Variants in GTF2A1L observed in about 807,000 individuals in gnomAD.
The protein encoded by GTF2A1L is general transcription factor IIA subunit 1 like.
GTF2A1L carries 48 observed loss-of-function variants against 49.7 expected under a neutral mutation model. The observed-to-expected ratio is 0.97, with a 90% CI of 0.77 to 1.23. The LOEUF is 1.23. Ranked by LOEUF, GTF2A1L falls within the 50% of genes most tolerant of loss-of-function variation. The probability of loss-of-function intolerance (pLI) is 0.00; values close to 1 mark genes in which losing one functional copy is unlikely to be tolerated. For synonymous variants in GTF2A1L, 246 were observed against 193.5 expected (o/e 1.27, Z -2.25); for missense variants, 736 against 564.8 (o/e 1.30, Z -3.07).
At chr2:48,641,372 G>C (rs13002836) in intron 3 of GTF2A1L, among the ~76,000 whole-genome samples, 20,786 of 152,112 alleles carry the variant, frequency 0.14, 1,642 homozygotes, top group African/African-American at 0.22. Context: ...AACGTGGAAG[G>C]AATGGTTAGT....
In GTF2A1L at chr2:48,679,373, A is replaced by G; in HGVS notation, c.1368A>G (p.Lys456=). ...RSKNKWKFYL[K]DGVMCFGGRD... is the part of the protein sequence containing the mutation. ...AGAACAAATGGAAATTCTATTTGAA[A>G]GATGGTGTTATGTGTTTTGGAGGGA... Residue 456 remains lysine, a synonymous_variant, in exon 9 of 9, where the codon AAA becomes AAG. Transcript: ENST00000403751. 6.2e-7 allele frequency: 1 copy of G among 1,611,774 alleles called. No individual in the cohort carries two copies. Among genetic ancestry groups the G allele is most frequent in the Non-Finnish European group, 8.5e-7 (1 of 1,178,902 alleles).
At chr2:48,670,729 A>C (rs1572776270) in intron 7 of GTF2A1L, among the ~76,000 whole-genome samples, 2 of 152,338 alleles carry the variant, frequency 1.3e-5, no homozygotes, top group South Asian at 4.1e-4. Context: ...TCTTACTGCT[A>C]TCCTGATTTT....
In GTF2A1L at chr2:48,617,874, C is replaced by G; in HGVS notation, c.-1C>G. On this transcript the variant is annotated 5_prime_UTR_variant, in exon 1 of 9. Coordinates refer to ENST00000403751, the MANE Select transcript of GTF2A1L (RefSeq NM_006872.5). ...AAGGGCCAGGTGCTGGAGGTGCTGT[C>G]ATGGCCTGCCTCAACCCGGTGGTAA... 1 of 1,551,842 alleles carries G rather than the reference C, an allele frequency of 6.4e-7. No homozygotes were observed. Among genetic ancestry groups the G allele is most frequent in the Non-Finnish European group, 8.7e-7 (1 of 1,147,036 alleles).
chr2:48,671,405 T>C (rs996862678), intron 7 of GTF2A1L, among the ~76,000 whole-genome samples, 186 bp from the exon 8 acceptor site: 3 of 152,122 alleles, frequency 2.0e-5, no homozygotes, highest in Non-Finnish European at 4.4e-5. Context: ...GATTTCACCA[T>C]GTTGCCCAAG....
At chr2:48,662,015 T>G (rs1044902196) in intron 6 of GTF2A1L, among the ~76,000 whole-genome samples, 1 of 152,188 alleles carries the variant, frequency 6.6e-6, no homozygotes, top group African/African-American at 2.4e-5. Context: ...GATTTTTGGT[T>G]TCCCTTCTCA....
At chr2:48,639,211 A>G (rs1677071368) in intron 3 of GTF2A1L, among the ~76,000 whole-genome samples, 1 of 152,182 alleles carries the variant, frequency 6.6e-6, no homozygotes. Context: ...TTTAAAACTC[A>G]TATGGAGCTA....
chr2:48,638,726 C>A (rs1484594649), intron 3 of GTF2A1L, among the ~76,000 whole-genome samples: 1 of 152,112 alleles, frequency 6.6e-6, no homozygotes, highest in Non-Finnish European at 1.5e-5. Flanking sequence ...CTAGCTATAG[C>A]AGTCAGGCAA....
At chr2:48,618,307 G>C (rs1333586461) in intron 1 of GTF2A1L, among the ~76,000 whole-genome samples, 1 of 152,146 alleles carries the variant, frequency 6.6e-6, no homozygotes, top group Non-Finnish European at 1.5e-5. Flanking sequence ...GATATCTCAT[G>C]TTACCTCCCC....
intron 8 of GTF2A1L, among the ~76,000 whole-genome samples, chr2:48,678,541 T>C (rs1341003887): frequency 6.6e-6 from 1 of 152,096 alleles, no homozygotes; most frequent in Non-Finnish European, 1.5e-5. Context: ...CATATATTCC[T>C]AGGGCTTTTA....
At chr2:48,678,435 C>T (rs1679589628) in intron 8 of GTF2A1L, among the ~76,000 whole-genome samples, 2 of 152,002 alleles carry the variant, frequency 1.3e-5, no homozygotes, top group South Asian at 2.1e-4. Flanking sequence ...TCTTATGCTT[C>T]ACAAAATGCA....
At chr2:48,661,491 T>A (rs1572758698) in intron 6 of GTF2A1L, among the ~76,000 whole-genome samples, 2 of 151,966 alleles carry the variant, frequency 1.3e-5, no homozygotes, top group African/African-American at 4.8e-5. Flanking sequence ...TGACCTCAAG[T>A]AATCTGCCTG....
intron 7 of GTF2A1L, 88 bp downstream of exon 7, chr2:48,670,070 A>G: frequency 6.7e-7 from 1 of 1,493,142 alleles, no homozygotes; most frequent in Non-Finnish European, 8.9e-7. Flanking sequence ...GAATAGCAAG[A>G]TTAATCTTTT....
At chr2:48,650,800 T>C (rs1029579538) in intron 6 of GTF2A1L, among the ~76,000 whole-genome samples, 1 of 152,184 alleles carries the variant, frequency 6.6e-6, no homozygotes, top group Non-Finnish European at 1.5e-5. Flanking sequence ...GGTCAGGCAA[T>C]ATATAATTAT....
At chr2:48,653,129 G>A (rs1452817930) in intron 6 of GTF2A1L, among the ~76,000 whole-genome samples, 1 of 150,294 alleles carries the variant, frequency 6.7e-6, no homozygotes, top group East Asian at 2.0e-4. Flanking sequence ...GCTGAGGCAG[G>A]AGGATGGCAT....
intron 7 of GTF2A1L, 102 bp from the exon 8 acceptor site, chr2:48,671,489 C>G: frequency 5.0e-6 from 6 of 1,212,116 alleles, no homozygotes; most frequent in Non-Finnish European, 6.8e-6. Flanking sequence ...TAGGAATGAG[C>G]CACCACGCCG....
At chr2:48,666,488 G>A (rs1678848176) in intron 6 of GTF2A1L, among the ~76,000 whole-genome samples, 1 of 152,050 alleles carries the variant, frequency 6.6e-6, no homozygotes, top group Non-Finnish European at 1.5e-5. Context: ...CCATATGGTT[G>A]GGTCTTGCTA....
intron 3 of GTF2A1L, among the ~76,000 whole-genome samples, chr2:48,638,585 C>G (rs1347152208): frequency 6.6e-6 from 1 of 152,006 alleles, no homozygotes; most frequent in African/African-American, 2.4e-5. Flanking sequence ...CAAAATAATA[C>G]AAGCCATCTA....
chr2:48,621,318 G>T, intron 3 of GTF2A1L, 28 bp downstream of exon 3: 1 of 1,613,598 alleles, frequency 6.2e-7, no homozygotes, highest in Non-Finnish European at 8.5e-7. Flanking sequence ...AATGAGTACT[G>T]TTAGTATCTT....
chr2:48,669,602 A>G, intron 6 of GTF2A1L, 120 bp from the exon 7 acceptor site: 5 of 1,226,490 alleles, frequency 4.1e-6, no homozygotes, highest in East Asian at 2.5e-5. Context: ...TTTTAATGTC[A>G]TAAGAGAGAA....
Sources: gnomAD v4.1 joint callset for allele counts (sites outside exome capture counted in the v4.1 genomes callset) on GRCh38, gnomAD v4.1.1 for gene constraint, MANE v1.5 for transcripts, NCBI Gene and HGNC (gene_info 2026-07-23, HGNC 2026-07-21) for gene names.